HIP1: variants seen among roughly 807,000 people sequenced by gnomAD.
The protein encoded by HIP1 is huntingtin-interacting protein 1.
Under a neutral mutation model 147.6 loss-of-function variants are expected in HIP1, and 65 were observed. The observed-to-expected ratio is 0.44, with a 90% CI of 0.36 to 0.54. HIP1 has a LOEUF of 0.54. Among genes scored for constraint, HIP1 ranks in the 20% least tolerant of loss-of-function variants. The pLI is 0.00. For synonymous variants in HIP1, 479 were observed against 504.0 expected, an observed-to-expected ratio of 0.95 and a Z score of 0.67; for missense variants, 1,061 against 1,299.6, an observed-to-expected ratio of 0.82 and a Z score of 2.82.
At chr7:75,668,624 C>A (rs919072744) in intron 1 of HIP1, among the ~76,000 whole-genome samples, 1 of 152,068 alleles carries the variant, frequency 6.6e-6, no homozygotes, top group Non-Finnish European at 1.5e-5. Context: ...CACCCCTGGC[C>A]GGGACTTCCC....
intron 4 of HIP1, among the ~76,000 whole-genome samples, chr7:75,589,502 T>C (rs1202392906): frequency 6.6e-6 from 1 of 151,522 alleles, no homozygotes; most frequent in Non-Finnish European, 1.5e-5. Context: ...CTGGCCAACA[T>C]GGCAAAACCG....
At chr7:75,634,130 C>A (rs181559674) in intron 1 of HIP1, among the ~76,000 whole-genome samples, 45 of 152,120 alleles carry the variant, frequency 3.0e-4, no homozygotes, top group African/African-American at 1.1e-3. Context: ...GGTGGTGGTG[C>A]CTGCCTGTTG....
rs587768452 is a variant in HIP1 at position 75,635,434 on chromosome 7, C to T, written c.121-36187G>A. On this transcript the variant is annotated intron_variant, in intron 1 of 30. Transcript: ENST00000336926. ...TCATTATCAGAACAGCCAAATTAGT[C>T]GGGCATGGTGGCGGGCGCCTGTAAT... Among the ~76,000 whole-genome samples, 11 of 152,134 alleles carry T rather than the reference C, an allele frequency of 7.2e-5. No homozygotes were observed. The East Asian group carries it at 1.9e-3, about 27-fold the overall frequency.
chr7:75,533,614 G>C lies in HIP1; in HGVS notation c.*4558C>G. The C allele has an allele frequency of 4.3e-6, 1 of 232,622 alleles. No homozygotes were observed. Among genetic ancestry groups the C allele is most frequent in the Non-Finnish European group, 8.5e-6 (1 of 117,638 alleles). 14.4% of individuals were successfully genotyped at this position (232,622 alleles called of 1,614,324 possible). On this transcript the variant is annotated 3_prime_UTR_variant, in exon 31 of 31. Coordinates refer to ENST00000336926, the MANE Select transcript of HIP1 (RefSeq NM_005338.7). ...AGATGTAACCGAACCCCCTCGGTTT[G>C]TCCCTATGAGTGGTAATCAGTTTCA...
intron 2 of HIP1, among the ~76,000 whole-genome samples, chr7:75,595,968 T>C (rs1258336785): frequency 6.6e-6 from 1 of 152,152 alleles, no homozygotes; most frequent in Non-Finnish European, 1.5e-5. Flanking sequence ...CTGGGCATGG[T>C]GGCTCACGCC....
rs1245728478 is a variant in HIP1, at chr7:75,663,997, CAT to C, written c.121-64752_121-64751del. On this transcript the variant is annotated intron_variant, in intron 1 of 30. Coordinates refer to ENST00000336926, the MANE Select transcript of HIP1 (RefSeq NM_005338.7). ...ACACATATATGTGTATATATATACA[CAT>C]ATATGTGTATATATATACACATATA... Among the ~76,000 whole-genome samples the C allele has an allele frequency of 3.1e-4, 9 of 29,112 alleles. 1 individual carries two copies. The African/African-American group carries it at 3.5e-3, about 11-fold the overall frequency. 19.1% of individuals were successfully genotyped at this position (29,112 alleles called of 152,430 possible). A position where few individuals can be genotyped will look rare whatever the true frequency, so the allele number is the denominator to read the frequency against.
intron 1 of HIP1, among the ~76,000 whole-genome samples, chr7:75,647,842 G>C (rs2117178886): frequency 6.6e-6 from 1 of 152,370 alleles, no homozygotes; most frequent in East Asian, 1.9e-4. Context: ...GCTTGAAGAG[G>C]TGGGGCAGTG....
In HIP1 at chr7:75,554,227, G is replaced by T; in HGVS notation, c.2051-7C>A. 6.2e-7 allele frequency: 1 copy of T among 1,610,092 alleles called. No homozygotes were observed. The highest frequency in any genetic ancestry group is 8.5e-7 in the Non-Finnish European group (1 of 1,176,710). On this transcript the variant is annotated splice_polypyrimidine_tract_variant and splice_region_variant and intron_variant, in intron 20 of 30. Transcript: ENST00000336926. The stretch of plus-strand genomic sequence containing the variant: ...TGGAGAAGTCCACTGATGTCTGCCA[G>T]GATTGGAAAGAGAAGTTTCTCAGGT...
At chr7:75,619,747 C>T (rs782768866) in intron 1 of HIP1, among the ~76,000 whole-genome samples, 9 of 152,064 alleles carry the variant, frequency 5.9e-5, no homozygotes, top group Non-Finnish European at 1.3e-4. Context: ...TAGCAATCTC[C>T]GTTAGTACAT....
chr7:75,691,457 C>T (rs1563296119), intron 1 of HIP1, among the ~76,000 whole-genome samples: 1 of 151,046 alleles, frequency 6.6e-6, no homozygotes, highest in South Asian at 2.1e-4. Context: ...AGCCACTGCA[C>T]TCCAGCCTGG....
intron 1 of HIP1, among the ~76,000 whole-genome samples, chr7:75,664,566 A>G (rs1554514411): frequency 6.7e-6 from 1 of 150,262 alleles, no homozygotes; most frequent in African/African-American, 2.4e-5. Context: ...ATGTGTATGT[A>G]TACGTATACA....
intron 1 of HIP1, among the ~76,000 whole-genome samples, chr7:75,694,663 C>A (rs1329210752): frequency 1.5e-5 from 2 of 137,880 alleles, no homozygotes; most frequent in African/African-American, 2.9e-5. Context: ...GGCACCACCA[C>A]CACACCTGGC....
intron 22 of HIP1, among the ~76,000 whole-genome samples, chr7:75,550,118 C>A (rs587641105): frequency 6.6e-6 from 1 of 152,138 alleles, no homozygotes; most frequent in Admixed American, 6.6e-5. Context: ...GTTATGGTAA[C>A]AAATGGCAGG....
At chr7:75,549,070 C>A in intron 22 of HIP1, 69 bp from the exon 23 acceptor site, 2 of 1,142,726 alleles carry the variant, frequency 1.8e-6, no homozygotes, top group South Asian at 1.2e-5. Context: ...CCATCTGTAA[C>A]CCTTACAAGA....
rs115105984 is a variant in HIP1 at position 75,658,032 on chromosome 7, T to G, written c.121-58785A>C. Among the ~76,000 whole-genome samples, 408 of 152,204 alleles carry G rather than the reference T, an allele frequency of 2.7e-3. 2 individuals carry two copies. Among genetic ancestry groups the G allele is most frequent in the African/African-American group, 9.3e-3 (386 of 41,544 alleles). ...ACCAACAGAGAAAAATTTCAAAAAT[T>G]TCAAAAACAAACTCTACACCCTGGG... On this transcript the variant is annotated intron_variant, in intron 1 of 30. Transcript: ENST00000336926.
At chr7:75,607,229 TTTTG>T (rs1797259817) in intron 1 of HIP1, among the ~76,000 whole-genome samples, 1 of 132,938 alleles carries the variant, frequency 7.5e-6, no homozygotes, top group Non-Finnish European at 1.5e-5. Flanking sequence ...TTGTTTTTTG[TTTTG>T]TTTTTTTTTT....
rs587750157 is a variant in HIP1, at chr7:75,534,120, G to A, written c.*4052C>T. ...ACTTCCAGCTGCAAGCTGAGAACTAGCTCCTGCACAGGGTCGAGGGGCCAA... is the reference window on the plus strand; with the variant it reads ...ACTTCCAGCTGCAAGCTGAGAACTAACTCCTGCACAGGGTCGAGGGGCCAA... On this transcript the variant is annotated 3_prime_UTR_variant, in exon 31 of 31. Coordinates refer to ENST00000336926, the MANE Select transcript of HIP1 (RefSeq NM_005338.7). The A allele has an allele frequency of 4.3e-6, 1 of 231,148 alleles. No homozygotes were observed. The highest frequency in any genetic ancestry group is 1.8e-4 in the South Asian group (1 of 5,508). The allele number at this position is 231,148 out of a possible 1,614,324, so 14.3% of individuals were successfully genotyped here. A position where few individuals can be genotyped will look rare whatever the true frequency, so the allele number is the denominator to read the frequency against.
intron 1 of HIP1, among the ~76,000 whole-genome samples, chr7:75,643,387 T>G (rs193241060): frequency 4.2e-4 from 64 of 152,204 alleles, no homozygotes; most frequent in African/African-American, 1.5e-3. Flanking sequence ...ATCCCAGCAC[T>G]TTAGGAGGCC....
At chr7:75,643,998 TCAAACAAA>T (rs375114374) in intron 1 of HIP1, among the ~76,000 whole-genome samples, 16 of 151,954 alleles carry the variant, frequency 1.1e-4, no homozygotes, top group Non-Finnish European at 1.6e-4. Flanking sequence ...AGACTCTGTC[TCAAACAAA>T]CAAACAAACA....
Sources: gnomAD v4.1 joint callset for allele counts (sites outside exome capture counted in the v4.1 genomes callset) on GRCh38, gnomAD v4.1.1 for gene constraint, MANE v1.5 for transcripts, NCBI Gene and HGNC (gene_info 2026-07-23, HGNC 2026-07-21) for gene names.